Variants in TUSC3 observed in about 807,000 individuals in gnomAD.
TUSC3 encodes dolichyl-diphosphooligosaccharide--protein glycosyltransferase subunit TUSC3.
Under a neutral mutation model 44.8 loss-of-function variants are expected in TUSC3, and 45 were observed. The ratio of observed to expected loss-of-function variants is 1.00; its 90% CI spans 0.79 to 1.29. The LOEUF is 1.29. Among genes scored for constraint, TUSC3 ranks in the 50% most tolerant of loss-of-function variants. The pLI is 0.00. For missense variants in TUSC3, 519 were observed against 437.9 expected, an observed-to-expected ratio of 1.19 and a Z score of -1.65; for synonymous variants, 212 against 152.9, an observed-to-expected ratio of 1.39 and a Z score of -2.85.
the TUSC3 span, among the ~76,000 whole-genome samples, chr8:15,774,946 T>C: frequency 6.6e-6 from 1 of 152,140 alleles, no homozygotes; most frequent in South Asian, 2.1e-4. Context: ...GGACTTACCA[T>C]ATGACACTGC....
At chr8:15,424,774 G>A (rs866980420) in intron 1 of TUSC3, among the ~76,000 whole-genome samples, 1 of 152,098 alleles carries the variant, frequency 6.6e-6, no homozygotes, top group Non-Finnish European at 1.5e-5. Flanking sequence ...CGGCTACTTG[G>A]GAGGCTGAGG....
intron 1 of TUSC3, among the ~76,000 whole-genome samples, chr8:15,474,163 T>A (rs905441892): frequency 6.6e-6 from 1 of 152,232 alleles, no homozygotes; most frequent in African/African-American, 2.4e-5. Flanking sequence ...AATATGGCTC[T>A]GTTTTGCCCG....
chr8:15,785,006 A>AATAT, the TUSC3 span, among the ~76,000 whole-genome samples: 2,461 of 149,476 alleles, frequency 0.016, 38 homozygotes, highest in African/African-American at 0.042. Flanking sequence ...CATTGTACCT[A>AATAT]ATATATATAT....
chr8:15,816,356 G>A, the TUSC3 span, among the ~76,000 whole-genome samples: 2 of 152,086 alleles, frequency 1.3e-5, no homozygotes, highest in African/African-American at 4.8e-5. Context: ...ATAATGGAAG[G>A]GGTGGCAATG....
intron 1 of TUSC3, among the ~76,000 whole-genome samples, chr8:15,621,420 T>C (rs1163188682): frequency 6.7e-6 from 1 of 150,164 alleles, no homozygotes; most frequent in Non-Finnish European, 1.5e-5. Context: ...CTGTTCTGGG[T>C]ATATTGATGA....
chr8:15,443,647 C>A (rs997127617), intron 1 of TUSC3, among the ~76,000 whole-genome samples: 2 of 152,034 alleles, frequency 1.3e-5, no homozygotes, highest in Non-Finnish European at 2.9e-5. Flanking sequence ...TGATAACAGC[C>A]CTTTCCCAAA....
chr8:15,842,626 G>T, the TUSC3 span, among the ~76,000 whole-genome samples: 483 of 152,248 alleles, frequency 3.2e-3, no homozygotes, highest in African/African-American at 0.011. Context: ...GAGAAAGAAG[G>T]CTTGCAATTA....
intron 8 of TUSC3, among the ~76,000 whole-genome samples, chr8:15,746,835 T>C (rs1373050049): frequency 2.0e-5 from 3 of 152,106 alleles, no homozygotes; most frequent in African/African-American, 7.2e-5. Context: ...TAATTAATTA[T>C]AGGTTTTTAT....
chr8:15,536,680 T>TAAAAAAAAAAAAAA (rs1801526180), upstream of TUSC3, among the ~76,000 whole-genome samples: 1 of 22,768 alleles, frequency 4.4e-5, no homozygotes, highest in Admixed American at 7.5e-4. Context: ...AGATTCCGTC[T>TAAAAAAAAAAAAAA]CAAAAAAAAA....
intron 6 of TUSC3, among the ~76,000 whole-genome samples, chr8:15,718,884 AAC>A (rs766516409): frequency 2.5e-4 from 38 of 152,204 alleles, no homozygotes; most frequent in Non-Finnish European, 5.0e-4. Context: ...TTTGTATAAA[AAC>A]ACACAGTAAA....
chr8:15,669,995 T>C (rs1001097892), intron 5 of TUSC3, among the ~76,000 whole-genome samples: 1 of 151,392 alleles, frequency 6.6e-6, no homozygotes, highest in Non-Finnish European at 1.5e-5. Flanking sequence ...TAATGCATCA[T>C]AAAAAAAGGA....
intron 1 of TUSC3, among the ~76,000 whole-genome samples, chr8:15,608,325 T>C (rs1440195464): frequency 2.0e-5 from 3 of 152,178 alleles, no homozygotes; most frequent in African/African-American, 2.4e-5. Flanking sequence ...TTTGTTACTT[T>C]ATATTGGTGC....
the TUSC3 span, among the ~76,000 whole-genome samples, chr8:15,839,356 C>T: frequency 6.6e-6 from 1 of 152,086 alleles, no homozygotes; most frequent in East Asian, 1.9e-4. Flanking sequence ...TTATTTCTTT[C>T]TCCTGCCTGA....
intron 10 of TUSC3, among the ~76,000 whole-genome samples, chr8:15,762,645 C>A (rs1486092815): frequency 6.6e-6 from 1 of 152,102 alleles, no homozygotes; most frequent in African/African-American, 2.4e-5. Flanking sequence ...AGCTACAAAT[C>A]CCTAGTTTTA....
intron 1 of TUSC3, among the ~76,000 whole-genome samples, chr8:15,419,531 A>T (rs1799711804): frequency 6.6e-6 from 1 of 152,236 alleles, no homozygotes; most frequent in Admixed American, 6.5e-5. Flanking sequence ...CAAGTTTAAG[A>T]AAAACAGCAA....
At chr8:15,831,270 A>C in the TUSC3 span, among the ~76,000 whole-genome samples, 9 of 152,366 alleles carry the variant, frequency 5.9e-5, no homozygotes, top group South Asian at 8.3e-4. Context: ...GAAGGTCAAC[A>C]AATAGGATAA....
intron 1 of TUSC3, among the ~76,000 whole-genome samples, chr8:15,445,947 G>A (rs1800090833): frequency 6.7e-6 from 1 of 149,002 alleles, no homozygotes; most frequent in African/African-American, 2.5e-5. Flanking sequence ...TGGCCGGACG[G>A]GGGCTGCCCC....
intron 3 of TUSC3, among the ~76,000 whole-genome samples, chr8:15,655,619 GT>G (rs1428393907): frequency 6.6e-6 from 1 of 152,086 alleles, no homozygotes; most frequent in Non-Finnish European, 1.5e-5. Context: ...TTAAATAAAC[GT>G]CACTCCTGCT....
chr8:15,423,378 C>T (rs758649496), intron 1 of TUSC3, among the ~76,000 whole-genome samples: 2 of 152,130 alleles, frequency 1.3e-5, no homozygotes, highest in African/African-American at 4.8e-5. Flanking sequence ...TCAAGGTCAA[C>T]CTTACTTTTC....
Sources: allele counts gnomAD v4.1 joint callset (sites outside exome capture counted in the v4.1 genomes callset), GRCh38; gene constraint gnomAD v4.1.1; transcripts MANE v1.5; gene names NCBI Gene and HGNC (gene_info 2026-07-23, HGNC 2026-07-21).